ABCA3: variants seen among roughly 807,000 people sequenced by gnomAD.
The protein encoded by ABCA3 is phospholipid-transporting ATPase ABCA3.
Under a neutral mutation model 172.8 loss-of-function variants are expected in ABCA3, and 88 were observed. The observed-to-expected ratio is 0.51, with a 90% CI of 0.43 to 0.61. The LOEUF is 0.61. ABCA3 is among the 20% of genes least tolerant of loss of function. The pLI is 0.00. For synonymous variants in ABCA3, 1,066 were observed against 983.8 expected (o/e 1.08, Z -1.56); for missense variants, 2,164 against 2,301.0 (o/e 0.94, Z 1.22).
chr16:2,315,203 T>TACACACACACACACACACACAC (rs377647001), intron 10 of ABCA3, among the ~76,000 whole-genome samples: 1 of 138,424 alleles, frequency 7.2e-6, no homozygotes, highest in Non-Finnish European at 1.6e-5. Flanking sequence ...GTATGTATTT[T>TACACACACACACACACACACAC]ACACACACAC....
chr16:2,284,638 C>T lies in ABCA3; in HGVS notation c.3703+141G>A. 1 of 1,222,822 alleles carries T rather than the reference C, an allele frequency of 8.2e-7. No homozygotes were observed. Among genetic ancestry groups the T allele is most frequent in the Non-Finnish European group, 1.2e-6 (1 of 865,324 alleles). 75.7% of individuals were successfully genotyped at this position (1,222,822 alleles called of 1,614,324 possible). A position where few individuals can be genotyped will look rare whatever the true frequency, so the allele number is the denominator to read the frequency against. On this transcript the variant is annotated intron_variant, in intron 24 of 32. Coordinates refer to ENST00000301732, the MANE Select transcript of ABCA3 (RefSeq NM_001089.3). This position sits in a 1 kb window ranked among gnomAD's most constrained non-coding sequence, Gnocchi z 5.9. ...ACCAGTCATGGCTAGCCGGGCAGGG[C>T]CAGCTGGGGCAGAGGGGCTGGTGAG...
At position 2,284,538 on chromosome 16, in the gene ABCA3, G is replaced by A; in HGVS notation, c.3704-101C>T. 1 of 1,528,894 alleles carries A rather than the reference G, an allele frequency of 6.5e-7. No individual in the cohort carries two copies. Among genetic ancestry groups the A allele is most frequent in the Non-Finnish European group, 9.0e-7 (1 of 1,106,866 alleles). 94.7% of individuals were successfully genotyped at this position (1,528,894 alleles called of 1,614,324 possible). ...GGGCACAGGGCCTTATCCGTGCTGT[G>A]TGGAGTGAGGGGGCACCTCCCAGGG... On this transcript the variant is annotated intron_variant, in intron 24 of 32. Coordinates refer to ENST00000301732, the MANE Select transcript of ABCA3 (RefSeq NM_001089.3). This position sits in a 1 kb window ranked among gnomAD's most constrained non-coding sequence, Gnocchi z 5.9.
At chr16:2,324,174 G>T (rs566866852) in intron 6 of ABCA3, among the ~76,000 whole-genome samples, 2 of 152,214 alleles carry the variant, frequency 1.3e-5, no homozygotes, top group Non-Finnish European at 2.9e-5. Flanking sequence ...GCGGCCACAG[G>T]CAGGTGCATT....
At chr16:2,335,501 C>G (rs942488903) in intron 1 of ABCA3, among the ~76,000 whole-genome samples, 1 of 152,020 alleles carries the variant, frequency 6.6e-6, no homozygotes, top group East Asian at 1.9e-4. Flanking sequence ...AACTCCTGGG[C>G]TCAAATGATC....
At chr16:2,317,817 G>A (rs2093718907) in intron 8 of ABCA3, 53 bp from the exon 9 acceptor site, 2 of 1,555,348 alleles carry the variant, frequency 1.3e-6, no homozygotes, top group Non-Finnish European at 1.8e-6. Context: ...CCGCCATGAT[G>A]GCATGTGCCA....
chr16:2,306,756 CTGTAATCCCAG>C (rs1439956226), intron 11 of ABCA3, among the ~76,000 whole-genome samples: 1 of 152,174 alleles, frequency 6.6e-6, no homozygotes, highest in Non-Finnish European at 1.5e-5. Context: ...CGGCTCACGC[CTGTAATCCCAG>C]CACTTTGGGA....
At chr16:2,296,308 G>A (rs2093679719) in intron 17 of ABCA3, among the ~76,000 whole-genome samples, 1 of 151,348 alleles carries the variant, frequency 6.6e-6, no homozygotes, top group Admixed American at 6.6e-5. Flanking sequence ...TTGGCTCACT[G>A]TAACTTCTCC....
chr16:2,291,058 T>C (rs1296007822), intron 19 of ABCA3, among the ~76,000 whole-genome samples: 14 of 152,040 alleles, frequency 9.2e-5, no homozygotes, highest in Admixed American at 9.2e-4. Context: ...TTAGTAGAGA[T>C]GGTGGCTGGG....
chr16:2,332,345 C>T (rs2093744617), intron 1 of ABCA3: 1 of 757,868 alleles, frequency 1.3e-6, no homozygotes, highest in African/African-American at 1.8e-5. Context: ...CGAGCACAGG[C>T]ACCAGGGCTT....
Position 2,277,545 on chromosome 16 carries a change from G to A in ABCA3, c.4983+52C>T. 3.1e-6 allele frequency: 5 copies of A among 1,590,598 alleles called. No individual in the cohort carries two copies. The highest frequency in any genetic ancestry group is 4.3e-6 in the Non-Finnish European group (5 of 1,161,848). On this transcript the variant is annotated intron_variant, in intron 32 of 32. Transcript: ENST00000301732. The surrounding 1 kb of genome is among the most constrained non-coding windows in gnomAD (Gnocchi z 5.3). ...ACCACAGAGGGAGAGACCCCTGGAG[G>A]GACCTCCCCCTGCCCCATGAGTGCC...
At chr16:2,323,395 G>A (rs1567353474) in intron 7 of ABCA3, 128 bp downstream of exon 7, 1 of 1,271,616 alleles carries the variant, frequency 7.9e-7, no homozygotes, top group East Asian at 2.3e-5. Context: ...GCAAAGACTT[G>A]GAACCAAGCC....
chr16:2,300,489 A>C (rs1332968278), intron 12 of ABCA3, among the ~76,000 whole-genome samples: 1 of 152,148 alleles, frequency 6.6e-6, no homozygotes, highest in African/African-American at 2.4e-5. Context: ...GGGATGTTGG[A>C]GCCAAAATGG....
intron 5 of ABCA3, among the ~76,000 whole-genome samples, 191 bp from the exon 6 acceptor site, chr16:2,324,722 G>A (rs529902557): frequency 9.2e-5 from 14 of 152,248 alleles, no homozygotes; most frequent in African/African-American, 2.6e-4. Flanking sequence ...AGAATGGCAG[G>A]GTCAGAGCCC....
rs114378453 is a variant in ABCA3 at position 2,322,246 on chromosome 16, G to C, written c.613+1277C>G. Among the ~76,000 whole-genome samples, 1,469 of 151,720 alleles carry C rather than the reference G, an allele frequency of 9.7e-3. 22 individuals carry two copies. Among genetic ancestry groups the C allele is most frequent in the African/African-American group, 0.034 (1,389 of 41,402 alleles). The stretch of plus-strand genomic sequence containing the variant: ...TGAAATACAAATGTTTCATTCAAGA[G>C]CACGTCTTCCAGGATATAGAGAAAG... On this transcript the variant is annotated intron_variant, in intron 7 of 32. Transcript: ENST00000301732.
intron 1 of ABCA3, among the ~76,000 whole-genome samples, chr16:2,338,623 G>GC (rs934259589): frequency 7.2e-5 from 11 of 152,150 alleles, no homozygotes; most frequent in African/African-American, 2.6e-4. Context: ...GTCACCTGTT[G>GC]CACCTTTTCT....
intron 11 of ABCA3, 94 bp from the exon 12 acceptor site, chr16:2,304,244 C>T (rs572648441): frequency 1.5e-6 from 2 of 1,339,944 alleles, no homozygotes; most frequent in East Asian, 4.6e-5. Context: ...CACATTTGAC[C>T]TTGCATGGCC....
intron 10 of ABCA3, among the ~76,000 whole-genome samples, chr16:2,311,696 A>G (rs1177500483): frequency 6.6e-6 from 1 of 152,010 alleles, no homozygotes; most frequent in East Asian, 1.9e-4. Context: ...TAATTTTTGT[A>G]TTTTTAATAG....
chr16:2,277,905 T>C lies in ABCA3; in HGVS notation c.4883A>G (p.Lys1628Arg). 1.9e-6 allele frequency: 3 copies of C among 1,610,274 alleles called. No homozygotes were observed. Among genetic ancestry groups the C allele is most frequent in the Non-Finnish European group, 1.7e-6 (2 of 1,179,992 alleles). ...TGGAAAGGTCAGGTCCACGAAGGCC[T>C]TGAACTCCTCCAGCGCCTCCTGTTG... ...EGQQEALEEF[K>R]AFVDLTFPGS... Residue 1628 changes from lysine (K) to arginine (R), a missense_variant, in exon 31 of 33, where the codon AAG (lysine) becomes AGG (arginine). Lys to Arg is a conservative substitution (Grantham distance 26). This residue lies in a region of ABCA3 where 795 missense variants were observed against 881.9 expected (regional missense o/e 0.90). Coordinates refer to ENST00000301732, the MANE Select transcript of ABCA3 (RefSeq NM_001089.3). This position sits in a 1 kb window ranked among gnomAD's most constrained non-coding sequence, Gnocchi z 5.3.
intron 10 of ABCA3, among the ~76,000 whole-genome samples, chr16:2,310,693 T>C (rs1425885176): frequency 6.6e-6 from 1 of 151,994 alleles, no homozygotes; most frequent in East Asian, 2.0e-4. Flanking sequence ...ATGTTTTTTT[T>C]ATTTTTAAGT....
Sources: gnomAD v4.1 joint callset for allele counts (sites outside exome capture counted in the v4.1 genomes callset) on GRCh38, gnomAD v4.1.1 for gene constraint, gnomAD v4.1.1 regional missense constraint, Gnocchi (gnomAD v3.1) non-coding constraint, MANE v1.5 for transcripts, NCBI Gene and HGNC (gene_info 2026-07-23, HGNC 2026-07-21) for gene names.